NFYC: variants seen among roughly 807,000 people sequenced by gnomAD.
NFYC encodes the protein CAAT box DNA-binding protein subunit C.
A neutral mutation model predicts 53.1 loss-of-function variants in NFYC; 25 were observed. That is an observed-to-expected ratio of 0.47 (90% CI 0.34 to 0.66). The LOEUF (loss-of-function observed/expected upper bound fraction) is 0.66. NFYC is among the 30% of genes least tolerant of loss of function. NFYC has a pLI of 0.01. For missense variants in NFYC, 260 were observed against 422.7 expected, an observed-to-expected ratio of 0.62 and a Z score of 3.38; for synonymous variants, 145 against 152.6, an observed-to-expected ratio of 0.95 and a Z score of 0.37.
chr1:40,753,313 C>T, intron 5 of NFYC, 67 bp downstream of exon 5: 2 of 1,020,316 alleles, frequency 2.0e-6, no homozygotes, highest in Non-Finnish European at 3.1e-6. Context: ...GTCAGATACG[C>T]TCCTTCTCTC....
intron 1 of NFYC, among the ~76,000 whole-genome samples, chr1:40,720,868 T>C (rs143506821): frequency 6.6e-6 from 1 of 152,126 alleles, no homozygotes; most frequent in East Asian, 1.9e-4. Context: ...GACACTGTTA[T>C]TTAAAAAAAA....
intron 4 of NFYC, among the ~76,000 whole-genome samples, chr1:40,750,538 T>A (rs1645856147): frequency 6.6e-6 from 1 of 152,202 alleles, no homozygotes; most frequent in African/African-American, 2.4e-5. Context: ...GTACAGCTTG[T>A]CAATGCGTCA....
At chr1:40,762,428 A>G (rs1646593920) in intron 6 of NFYC, among the ~76,000 whole-genome samples, 1 of 152,238 alleles carries the variant, frequency 6.6e-6, no homozygotes, top group African/African-American at 2.4e-5. Flanking sequence ...AGTGTCTTAC[A>G]TGCCTAAGAA....
At chr1:40,733,563 A>AT (rs1214990010) in intron 1 of NFYC, among the ~76,000 whole-genome samples, 3 of 150,146 alleles carry the variant, frequency 2.0e-5, no homozygotes, top group Non-Finnish European at 3.0e-5. Flanking sequence ...TTTTTCTTGT[A>AT]TTTTTTATTA....
intron 1 of NFYC, among the ~76,000 whole-genome samples, chr1:40,727,532 CTT>C (rs372284521): frequency 2.2e-4 from 28 of 130,056 alleles, no homozygotes; most frequent in Admixed American, 2.4e-4. Context: ...CATGAATATT[CTT>C]TTTTTTTTTT....
At chr1:40,766,826 C>T in intron 8 of NFYC, 123 bp downstream of exon 8, 2 of 1,482,800 alleles carry the variant, frequency 1.3e-6, no homozygotes, top group Non-Finnish European at 1.9e-6. Flanking sequence ...GCACCACCCC[C>T]ACACCCTCCA....
intron 8 of NFYC, among the ~76,000 whole-genome samples, chr1:40,768,031 G>A: frequency 6.6e-6 from 1 of 152,142 alleles, no homozygotes; most frequent in East Asian, 1.9e-4. Context: ...GCCAAAAAAT[G>A]GGAGAGGCTG....
At chr1:40,713,213 T>G (rs914960812) in intron 1 of NFYC, among the ~76,000 whole-genome samples, 3 of 152,192 alleles carry the variant, frequency 2.0e-5, no homozygotes, top group Admixed American at 6.5e-5. Flanking sequence ...GGGGTGGGGT[T>G]GATATTTTGT....
intron 8 of NFYC, 85 bp downstream of exon 8, chr1:40,766,788 G>C: frequency 6.7e-7 from 1 of 1,500,454 alleles, no homozygotes; most frequent in Non-Finnish European, 9.2e-7. Flanking sequence ...GCACACAGCT[G>C]TCTTGCCACC....
intron 1 of NFYC, among the ~76,000 whole-genome samples, chr1:40,716,440 G>A (rs1044936323): frequency 5.9e-5 from 9 of 152,164 alleles, no homozygotes; most frequent in Non-Finnish European, 1.0e-4. Flanking sequence ...AAGGAGATGA[G>A]TTAAGGACAG....
intron 2 of NFYC, among the ~76,000 whole-genome samples, chr1:40,744,379 C>G (rs1265003078): frequency 6.6e-6 from 1 of 152,326 alleles, no homozygotes; most frequent in African/African-American, 2.4e-5. Context: ...TCAGGTGATT[C>G]TAACCTGCAG....
intron 1 of NFYC, among the ~76,000 whole-genome samples, chr1:40,737,114 C>A (rs182477754): frequency 8.4e-6 from 1 of 118,666 alleles, no homozygotes. Context: ...GCAACAAGAG[C>A]GAAACTCTGT....
At chr1:40,740,832 C>T (rs1286774280) in intron 2 of NFYC, among the ~76,000 whole-genome samples, 1 of 151,686 alleles carries the variant, frequency 6.6e-6, no homozygotes, top group African/African-American at 2.4e-5. Context: ...CAGCTTGAGC[C>T]GAGAGGCATA....
intron 1 of NFYC, among the ~76,000 whole-genome samples, chr1:40,724,636 T>C (rs1488389154): frequency 6.6e-6 from 1 of 152,222 alleles, no homozygotes; most frequent in African/African-American, 2.4e-5. Flanking sequence ...CATATCGTTT[T>C]CTATTCCACA....
intron 2 of NFYC, among the ~76,000 whole-genome samples, chr1:40,745,884 T>C (rs1423165495): frequency 6.6e-6 from 1 of 152,190 alleles, no homozygotes; most frequent in Non-Finnish European, 1.5e-5. Flanking sequence ...TTTCTTTCTT[T>C]TTTAAATAGT....
intron 1 of NFYC, among the ~76,000 whole-genome samples, chr1:40,727,724 G>A (rs1333823802): frequency 1.3e-5 from 2 of 151,312 alleles, no homozygotes; most frequent in Non-Finnish European, 2.9e-5. Flanking sequence ...GTAGAGACAG[G>A]GTTTCACCAT....
Position 40,770,897 on chromosome 1 carries a change from A to T in NFYC, c.*69A>T. On this transcript the variant is annotated 3_prime_UTR_variant, in exon 10 of 10. Transcript: ENST00000447388. The surrounding 1 kb of genome is among the most constrained non-coding windows in gnomAD (Gnocchi z 5.3). ...CCATACAGCCCCAGGCAATGGGCAC[A>T]GCCTTCCTCCCCAGAGGACCCGGCC... The T allele has an allele frequency of 6.4e-7, 1 of 1,551,836 alleles. No individual in the cohort carries two copies. Among genetic ancestry groups the T allele is most frequent in the Non-Finnish European group, 8.7e-7 (1 of 1,143,058 alleles).
chr1:40,763,825 G>A (rs908592237), intron 7 of NFYC, among the ~76,000 whole-genome samples: 2 of 152,182 alleles, frequency 1.3e-5, no homozygotes, highest in African/African-American at 2.4e-5. Flanking sequence ...CCTATGCAGG[G>A]AAATCATTGT....
At chr1:40,701,857 C>T (rs1021809974) in intron 1 of NFYC, among the ~76,000 whole-genome samples, 4 of 152,168 alleles carry the variant, frequency 2.6e-5, no homozygotes, top group African/African-American at 9.7e-5. Context: ...AGGAAACTGG[C>T]CTCGATGGAG....
Sources: allele counts gnomAD v4.1 joint callset (sites outside exome capture counted in the v4.1 genomes callset), GRCh38; gene constraint gnomAD v4.1.1; non-coding constraint Gnocchi (gnomAD v3.1); transcripts MANE v1.5; gene names NCBI Gene and HGNC (gene_info 2026-07-23, HGNC 2026-07-21).